LRCH1: variants seen among roughly 807,000 people sequenced by gnomAD.
LRCH1 encodes leucine-rich repeat and calponin homology domain-containing protein 1.
LRCH1 carries 23 observed loss-of-function variants against 94.9 expected under a neutral mutation model. The observed-to-expected ratio is 0.24, with a 90% CI of 0.17 to 0.34. The LOEUF (loss-of-function observed/expected upper bound fraction) is 0.34. Ranked by LOEUF, LRCH1 falls within the 10% of genes least tolerant of loss-of-function variation. The probability of loss-of-function intolerance (pLI) is 1.00; values close to 1 mark genes in which losing one functional copy is unlikely to be tolerated. For synonymous variants in LRCH1, 364 were observed against 354.9 expected (o/e 1.03, Z -0.29); for missense variants, 790 against 945.9 (o/e 0.84, Z 2.16).
chr13:46,723,401 G>A (rs1404061923), intron 17 of LRCH1, 71 bp downstream of exon 17: 32 of 1,165,064 alleles, frequency 2.7e-5, no homozygotes, highest in Non-Finnish European at 4.0e-5. Flanking sequence ...AACAGACTTT[G>A]AAACATTGCA....
chr13:46,608,658 A>T (rs868073805), intron 1 of LRCH1, among the ~76,000 whole-genome samples: 12 of 152,162 alleles, frequency 7.9e-5, no homozygotes, highest in African/African-American at 2.9e-4. Context: ...TACAGTAAAG[A>T]GGGTGAAATT....
chr13:46,562,813 C>T (rs562300482), intron 1 of LRCH1, among the ~76,000 whole-genome samples: 1 of 152,344 alleles, frequency 6.6e-6, no homozygotes, highest in South Asian at 2.1e-4. Context: ...GCCCTGCACA[C>T]ACTAGCTACA....
chr13:46,728,924 T>C lies in LRCH1; in HGVS notation c.1947T>C (p.His649=). The C allele has an allele frequency of 1.2e-6, 2 of 1,613,768 alleles. No individual in the cohort carries two copies. Among genetic ancestry groups the C allele is most frequent in the Non-Finnish European group, 1.7e-6 (2 of 1,179,830 alleles). ...TCATGGATGGTGTCGTCCTCTGCCA[T>C]CTGGTCAACCACATCCGCCCACGGT... ...AALMDGVVLC[H]LVNHIRPRSV... The change falls in exon 18 of 20, where the codon CAT becomes CAC. Residue 649 remains histidine, a synonymous_variant. Transcript: ENST00000389797.
intron 7 of LRCH1, among the ~76,000 whole-genome samples, chr13:46,690,644 G>C (rs1211441991): frequency 6.6e-6 from 1 of 152,204 alleles, no homozygotes; most frequent in Non-Finnish European, 1.5e-5. Flanking sequence ...AAGATGAGAG[G>C]TGGGTAGAAA....
chr13:46,684,525 A>C (rs1870505852), intron 4 of LRCH1, among the ~76,000 whole-genome samples: 1 of 152,214 alleles, frequency 6.6e-6, no homozygotes, highest in Admixed American at 6.5e-5. Context: ...GTCCAGTTAA[A>C]TTTTTCCAGT....
At position 46,561,177 on chromosome 13, in the gene LRCH1, C is replaced by T. The variant is rs2050126152; in HGVS notation, c.307+7474C>T. ...TGCTTGGTAAGAAATTATTGCTTCTCTGTTAATATGATGCTGGTGCTGAGG... is the reference window on the plus strand; with the variant it reads ...TGCTTGGTAAGAAATTATTGCTTCTTTGTTAATATGATGCTGGTGCTGAGG... On this transcript the variant is annotated intron_variant, in intron 1 of 19. Transcript: ENST00000389797. Among the ~76,000 whole-genome samples, 5 of 152,366 alleles carry T rather than the reference C, an allele frequency of 3.3e-5. No homozygotes were observed. The South Asian group carries it at 1.0e-3, about 32-fold the overall frequency.
chr13:46,582,359 G>GTTGC (rs138845785), intron 1 of LRCH1, among the ~76,000 whole-genome samples: 3,453 of 135,286 alleles, frequency 0.026, 149 homozygotes, highest in African/African-American at 0.091. Flanking sequence ...AAGAACAACC[G>GTTGC]TTGCTCTCAT....
At chr13:46,567,719 A>C (rs939448331) in intron 1 of LRCH1, among the ~76,000 whole-genome samples, 1 of 152,172 alleles carries the variant, frequency 6.6e-6, no homozygotes, top group African/African-American at 2.4e-5. Context: ...ATGTGCCTAA[A>C]TCTGATATAT....
intron 13 of LRCH1, among the ~76,000 whole-genome samples, chr13:46,711,401 A>T (rs1016537759): frequency 2.0e-5 from 3 of 152,152 alleles, no homozygotes; most frequent in African/African-American, 7.2e-5. Context: ...GAATGCTCCC[A>T]ATGTGATTCT....
chr13:46,624,373 T>C (rs2050919721), intron 1 of LRCH1, among the ~76,000 whole-genome samples: 1 of 152,234 alleles, frequency 6.6e-6, no homozygotes, highest in South Asian at 2.1e-4. Flanking sequence ...ACTTTGGGAA[T>C]TGGCCAGGGC....
downstream of LRCH1, among the ~76,000 whole-genome samples, chr13:46,746,038 A>G (rs915623804): frequency 2.0e-5 from 3 of 152,172 alleles, no homozygotes; most frequent in African/African-American, 7.2e-5. Flanking sequence ...TTCCTATATC[A>G]TGACCGCAGA....
chr13:46,667,886 G>A (rs981459754), intron 2 of LRCH1, among the ~76,000 whole-genome samples: 7 of 152,106 alleles, frequency 4.6e-5, no homozygotes, highest in Non-Finnish European at 1.0e-4. Context: ...ATAGTATTTT[G>A]GTGTATTTCC....
At position 46,553,242 on chromosome 13, in the gene LRCH1, C is replaced by CCATAG; in HGVS notation, c.-155_-154insCATAG. On this transcript the variant is annotated 5_prime_UTR_variant, in exon 1 of 20. Transcript: ENST00000389797. ...CACGGCCGCCTCCCCGCCCGCCCCCCATTCTACGCGCCTGCCCACACCCTC... is the reference window on the plus strand; with the variant it reads ...CACGGCCGCCTCCCCGCCCGCCCCCCCATAGATTCTACGCGCCTGCCCACACCCTC... 3.5e-6 allele frequency: 2 copies of CCATAG among 568,644 alleles called. No individual in the cohort carries two copies. Among genetic ancestry groups the CCATAG allele is most frequent in the East Asian group, 3.3e-5 (1 of 30,434 alleles). 35.2% of individuals were successfully genotyped at this position (568,644 alleles called of 1,614,324 possible).
chr13:46,745,304 CT>C (rs1350668987), downstream of LRCH1, among the ~76,000 whole-genome samples: 1 of 151,672 alleles, frequency 6.6e-6, no homozygotes, highest in Non-Finnish European at 1.5e-5. Context: ...GTTTGCCACC[CT>C]TGATCTAGTA....
At chr13:46,668,818 A>AT (rs2051557941) in intron 2 of LRCH1, among the ~76,000 whole-genome samples, 1 of 106,746 alleles carries the variant, frequency 9.4e-6, no homozygotes, top group African/African-American at 3.1e-5. Flanking sequence ...CTTATTTTTT[A>AT]TTTTTTATTT....
intron 1 of LRCH1, among the ~76,000 whole-genome samples, chr13:46,587,454 C>T (rs1392946738): frequency 6.6e-6 from 1 of 152,118 alleles, no homozygotes; most frequent in East Asian, 1.9e-4. Flanking sequence ...GATAATGCTA[C>T]GTGTATGTGA....
chr13:46,694,435 C>A (rs1454012869), intron 8 of LRCH1, among the ~76,000 whole-genome samples: 1 of 152,184 alleles, frequency 6.6e-6, no homozygotes, highest in East Asian at 1.9e-4. Flanking sequence ...CTCCCACATT[C>A]TTCCTTGAGA....
intron 1 of LRCH1, among the ~76,000 whole-genome samples, chr13:46,610,182 A>G (rs2050732425): frequency 6.6e-6 from 1 of 152,188 alleles, no homozygotes; most frequent in African/African-American, 2.4e-5. Context: ...GAGAGTTTGA[A>G]ATGATAATCC....
intron 3 of LRCH1, among the ~76,000 whole-genome samples, chr13:46,673,076 G>A (rs968861379): frequency 8.5e-5 from 13 of 152,058 alleles, no homozygotes; most frequent in Admixed American, 6.5e-4. Flanking sequence ...TAGCCAAAAC[G>A]TTATTACTTC....
Sources: gnomAD v4.1 joint callset for allele counts (sites outside exome capture counted in the v4.1 genomes callset) on GRCh38, gnomAD v4.1.1 for gene constraint, MANE v1.5 for transcripts, NCBI Gene and HGNC (gene_info 2026-07-23, HGNC 2026-07-21) for gene names.